Variants in ADAMTS3 observed in about 807,000 individuals in gnomAD.
ADAMTS3 encodes ADAM metallopeptidase with thrombospondin type 1 motif 3.
In ADAMTS3, 73 loss-of-function variants were observed where a neutral mutation model predicts 129.0. The observed-to-expected ratio is 0.57, with a 90% CI of 0.47 to 0.69. ADAMTS3 has a LOEUF of 0.69. ADAMTS3 is among the 30% of genes least tolerant of loss of function. The pLI, the probability that ADAMTS3 is intolerant of heterozygous loss-of-function variation, is 0.00. For missense variants in ADAMTS3, 1,457 were observed against 1,514.5 expected (o/e 0.96, Z 0.63); for synonymous variants, 477 against 510.8 (o/e 0.93, Z 0.89).
In ADAMTS3 at chr4:72,329,753, A is replaced by G. The variant is rs550286777; in HGVS notation, c.862-6656T>C. On this transcript the variant is annotated intron_variant, in intron 5 of 21. Transcript: ENST00000286657. ...TAACATTCTCAACTTTCTTTCATGAAAAAAAAAAAAACGATCTACGATGTT... is the reference window on the plus strand; with the variant it reads ...TAACATTCTCAACTTTCTTTCATGAGAAAAAAAAAAACGATCTACGATGTT... 6.7e-3 allele frequency among the ~76,000 whole-genome samples: 951 copies of G among 141,186 alleles called. 6 individuals are homozygous for G. Among genetic ancestry groups the G allele is most frequent in the African/African-American group, 0.026 (905 of 34,498 alleles). 92.6% of individuals were successfully genotyped at this position (141,186 alleles called of 152,430 possible).
chr4:72,524,963 T>C (rs1406361738), intron 3 of ADAMTS3, among the ~76,000 whole-genome samples: 3 of 152,202 alleles, frequency 2.0e-5, no homozygotes, highest in Non-Finnish European at 4.4e-5. Context: ...GCAGTTGTGA[T>C]ACCTGGGATC....
intron 2 of ADAMTS3, among the ~76,000 whole-genome samples, chr4:72,551,496 T>C (rs746377412): frequency 7.2e-5 from 11 of 152,174 alleles, no homozygotes; most frequent in Non-Finnish European, 1.2e-4. Context: ...ATTTCTTAAA[T>C]GTTTGAATGA....
chr4:72,455,977 T>C (rs868537869), intron 3 of ADAMTS3, among the ~76,000 whole-genome samples: 3 of 61,044 alleles, frequency 4.9e-5, no homozygotes, highest in African/African-American at 1.8e-4. Context: ...ATTTTACATA[T>C]AGTATATATA....
chr4:72,502,575 T>C (rs1054325422), intron 3 of ADAMTS3, among the ~76,000 whole-genome samples: 3 of 152,134 alleles, frequency 2.0e-5, no homozygotes, highest in Admixed American at 6.5e-5. Context: ...GTTGCTTTGA[T>C]TCTTTGTGTG....
In ADAMTS3 at chr4:72,518,807, T is replaced by C. The variant is rs1033501606; in HGVS notation, c.504+29671A>G. The stretch of plus-strand genomic sequence containing the variant: ...TCTTTATCCAATTTGCCAGTCTGTG[T>C]CTTTTAATTGGAGCATTTAGTCCAT... On this transcript the variant is annotated intron_variant, in intron 3 of 21. Coordinates refer to ENST00000286657, the MANE Select transcript of ADAMTS3 (RefSeq NM_014243.3). Among the ~76,000 whole-genome samples the C allele has an allele frequency of 2.0e-5, 3 of 150,352 alleles. No individual in the cohort carries two copies. The South Asian group carries it at 6.3e-4, about 31-fold the overall frequency.
intron 3 of ADAMTS3, among the ~76,000 whole-genome samples, chr4:72,539,333 T>C (rs1443520920): frequency 1.3e-5 from 2 of 151,898 alleles, no homozygotes; most frequent in East Asian, 1.9e-4. Flanking sequence ...GATTCAAAAA[T>C]GAGCAAATGA....
intron 4 of ADAMTS3, among the ~76,000 whole-genome samples, chr4:72,413,091 CTCT>C (rs775662889): frequency 3.2e-4 from 48 of 151,942 alleles, no homozygotes; most frequent in South Asian, 1.7e-3. Context: ...AAGAAAAAAA[CTCT>C]TCTTCTTATA....
At chr4:72,537,094 T>C (rs1168043753) in intron 3 of ADAMTS3, among the ~76,000 whole-genome samples, 3 of 152,220 alleles carry the variant, frequency 2.0e-5, no homozygotes, top group East Asian at 1.9e-4. Context: ...ACTCAAATAA[T>C]AAATTACAGT....
Position 72,541,677 on chromosome 4 carries a change from AAT to A in ADAMTS3, c.504+6799_504+6800del, listed in dbSNP as rs1170356507. ...TTCCCATGCTGTTTTTGTGATAGTGAATATGTCTCATGAGATCTGATGGTTTT... is the reference window on the plus strand; with the variant it reads ...TTCCCATGCTGTTTTTGTGATAGTGAATGTCTCATGAGATCTGATGGTTTT... On this transcript the variant is annotated intron_variant, in intron 3 of 21. Transcript: ENST00000286657. 1.7e-4 allele frequency among the ~76,000 whole-genome samples: 26 copies of A among 152,176 alleles called. No homozygotes were observed. In the East Asian group the frequency reaches 1.9e-3, roughly 11 times the overall value.
At chr4:72,328,677 G>T (rs1209858056) in intron 5 of ADAMTS3, among the ~76,000 whole-genome samples, 1 of 134,950 alleles carries the variant, frequency 7.4e-6, no homozygotes, top group Non-Finnish European at 1.7e-5. Flanking sequence ...AGTACTTGAT[G>T]CTTGGCCCTT....
At chr4:72,488,221 T>C (rs139598800) in intron 3 of ADAMTS3, among the ~76,000 whole-genome samples, 229 of 152,110 alleles carry the variant, frequency 1.5e-3, no homozygotes, top group African/African-American at 5.2e-3. Context: ...ATATTTAATA[T>C]ACAGGAGCTG....
chr4:72,433,542 T>C (rs997013805), intron 3 of ADAMTS3, among the ~76,000 whole-genome samples: 1 of 151,966 alleles, frequency 6.6e-6, no homozygotes, highest in African/African-American at 2.4e-5. Flanking sequence ...CAGAATCCAA[T>C]GTGTTTCACA....
At chr4:72,454,099 C>A (rs1186069333) in intron 3 of ADAMTS3, among the ~76,000 whole-genome samples, 1 of 151,298 alleles carries the variant, frequency 6.6e-6, no homozygotes, top group African/African-American at 2.4e-5. Flanking sequence ...TAGAAAGCAA[C>A]TTCAATAAAA....
At chr4:72,469,603 T>C (rs1353205137) in intron 3 of ADAMTS3, among the ~76,000 whole-genome samples, 3 of 152,170 alleles carry the variant, frequency 2.0e-5, no homozygotes, top group Non-Finnish European at 2.9e-5. Context: ...GCCTGCTCCT[T>C]CCAAGCACAG....
chr4:72,377,931 A>G (rs551388457), intron 4 of ADAMTS3, among the ~76,000 whole-genome samples: 11 of 152,204 alleles, frequency 7.2e-5, no homozygotes, highest in Admixed American at 6.6e-4. Flanking sequence ...ATTTCTTCAC[A>G]TGCTTTTCCC....
intron 3 of ADAMTS3, among the ~76,000 whole-genome samples, chr4:72,502,137 T>C (rs544705193): frequency 1.3e-5 from 2 of 152,264 alleles, no homozygotes; most frequent in South Asian, 2.1e-4. Flanking sequence ...ATAGAATGAG[T>C]TAGGGAGGAG....
At chr4:72,405,993 G>C (rs1447975587) in intron 4 of ADAMTS3, among the ~76,000 whole-genome samples, 2 of 152,090 alleles carry the variant, frequency 1.3e-5, no homozygotes, top group African/African-American at 2.4e-5. Context: ...ACATCACTCT[G>C]TTCACAATCT....
intron 3 of ADAMTS3, among the ~76,000 whole-genome samples, chr4:72,489,906 T>C (rs572900491): frequency 1.3e-5 from 2 of 151,828 alleles, no homozygotes; most frequent in African/African-American, 4.8e-5. Flanking sequence ...CTGGAATATA[T>C]GTAGTTTTAT....
chr4:72,487,604 G>T (rs766493940), intron 3 of ADAMTS3, among the ~76,000 whole-genome samples: 1 of 151,930 alleles, frequency 6.6e-6, no homozygotes, highest in African/African-American at 2.4e-5. Flanking sequence ...GTCTTATATC[G>T]GTTAGTGACA....
Sources: gnomAD v4.1 joint callset for allele counts (sites outside exome capture counted in the v4.1 genomes callset) on GRCh38, gnomAD v4.1.1 for gene constraint, MANE v1.5 for transcripts, NCBI Gene and HGNC (gene_info 2026-07-23, HGNC 2026-07-21) for gene names.